The following RHCE variants were observed in gnomAD, a reference collection of about 807,000 sequenced individuals.
The protein encoded by RHCE is Rh blood group CcEe antigens.
RHCE carries 22 observed loss-of-function variants against 43.8 expected under a neutral mutation model. The observed-to-expected ratio is 0.50, with a 90% confidence interval of 0.36 to 0.72. The LOEUF (loss-of-function observed/expected upper bound fraction) is 0.72, where lower values mean the gene tolerates loss of function less well. RHCE is among the 30% of genes least tolerant of loss of function. RHCE has a pLI of 0.00. For missense variants in RHCE, 385 were observed against 525.4 expected (o/e 0.73, Z 2.61); for synonymous variants, 156 against 210.7 (o/e 0.74, Z 2.25).
chr1:25,385,590 C>T (rs1475041852), intron 7 of RHCE, 121 bp downstream of exon 7: 6 of 1,412,166 alleles, frequency 4.2e-6, no homozygotes, highest in Non-Finnish European at 6.0e-6. Context: ...AACAAATATT[C>T]ACCGAAGCCT....
intron 1 of RHCE, chr1:25,411,286 A>G (rs933131966): frequency 1.9e-6 from 3 of 1,548,304 alleles, no homozygotes; most frequent in Non-Finnish European, 2.6e-6. Flanking sequence ...AACACTCAAT[A>G]AATAGTGGCT....
chr1:25,412,154 G>A (rs886882334), intron 1 of RHCE, among the ~76,000 whole-genome samples: 3 of 152,234 alleles, frequency 2.0e-5, no homozygotes, highest in Non-Finnish European at 4.4e-5. Flanking sequence ...CCCCAAACAT[G>A]CCGGCAGCAG....
intron 6 of RHCE, 143 bp downstream of exon 6, chr1:25,388,833 A>G (rs1646265250): frequency 1.5e-6 from 2 of 1,370,114 alleles, no homozygotes; most frequent in Non-Finnish European, 2.0e-6. Flanking sequence ...GCCAGGATGG[A>G]TCCCTCGCTA....
At chr1:25,401,590 C>T (rs562569464) in intron 3 of RHCE, among the ~76,000 whole-genome samples, 12 of 152,276 alleles carry the variant, frequency 7.9e-5, no homozygotes, top group Admixed American at 2.6e-4. Context: ...TGCCTTCAAA[C>T]TTAGACTTTC....
chr1:25,374,201 G>GCCT, intron 8 of RHCE, among the ~76,000 whole-genome samples: 1 of 147,164 alleles, frequency 6.8e-6, no homozygotes, highest in Admixed American at 6.8e-5. Flanking sequence ...CAATTCTCCT[G>GCCT]CCTCAGCCTC....
chr1:25,399,900 A>G (rs1328931219), intron 3 of RHCE, among the ~76,000 whole-genome samples: 3 of 152,224 alleles, frequency 2.0e-5, no homozygotes, highest in Non-Finnish European at 4.4e-5. Flanking sequence ...GTCCACAAAT[A>G]TAAAACTATA....
intron 2 of RHCE, among the ~76,000 whole-genome samples, chr1:25,426,680 A>G (rs1270157436): frequency 2.6e-5 from 4 of 152,198 alleles, no homozygotes; most frequent in Non-Finnish European, 5.9e-5. Flanking sequence ...ACTGACTTCC[A>G]TGGTAAGGAT....
intron 7 of RHCE, among the ~76,000 whole-genome samples, chr1:25,378,753 G>A (rs1472907282): frequency 6.6e-6 from 1 of 152,168 alleles, no homozygotes; most frequent in African/African-American, 2.4e-5. Context: ...CTGGTCCCTG[G>A]ATGACACAGT....
chr1:25,400,873 C>T (rs1294968368), intron 3 of RHCE, among the ~76,000 whole-genome samples: 1 of 152,264 alleles, frequency 6.6e-6, no homozygotes, highest in Non-Finnish European at 1.5e-5. Flanking sequence ...TCTCCCACCC[C>T]ACGTGCAGTC....
intron 1 of RHCE, among the ~76,000 whole-genome samples, chr1:25,419,489 C>T (rs1210381020): frequency 6.6e-6 from 1 of 152,082 alleles, no homozygotes; most frequent in Non-Finnish European, 1.5e-5. Flanking sequence ...AGTTAACTAG[C>T]CGTTCATATC....
intron 5 of RHCE, among the ~76,000 whole-genome samples, chr1:25,390,224 C>G (rs769437989): frequency 6.6e-6 from 1 of 152,186 alleles, no homozygotes; most frequent in Non-Finnish European, 1.5e-5. Context: ...TGTTTGCCTA[C>G]CATTTACTCC....
chr1:25,379,495 A>ATTTTTTTTTT (rs770791604), intron 7 of RHCE, among the ~76,000 whole-genome samples: 1 of 27,096 alleles, frequency 3.7e-5, no homozygotes, highest in African/African-American at 1.8e-4. Context: ...ATATATATAT[A>ATTTTTTTTTT]TTTTTTTTTT....
At position 25,385,239 on chromosome 1, in the gene RHCE, C is replaced by T. The variant is rs576214802; in HGVS notation, c.1073+472G>A. ...ATGGGTTGTGCTTAGCATGTCCCTGCATTAGCTTATTAAATCCAGTAGCAT... is the reference window on the plus strand; with the variant it reads ...ATGGGTTGTGCTTAGCATGTCCCTGTATTAGCTTATTAAATCCAGTAGCAT... On this transcript the variant is annotated intron_variant, in intron 7 of 9. Coordinates refer to ENST00000294413, the MANE Select transcript of RHCE (RefSeq NM_020485.8). 7.9e-5 allele frequency among the ~76,000 whole-genome samples: 12 copies of T among 152,306 alleles called. No homozygotes were observed. In the South Asian group the frequency reaches 2.3e-3, roughly 29 times the overall value.
At chr1:25,393,761 C>T (rs1007366451) in intron 3 of RHCE, among the ~76,000 whole-genome samples, 6 of 151,960 alleles carry the variant, frequency 3.9e-5, no homozygotes, top group African/African-American at 1.5e-4. Flanking sequence ...ACCTCTCGGG[C>T]GTCACCTCCT....
At chr1:25,426,925 C>T (rs969166690) in intron 2 of RHCE, among the ~76,000 whole-genome samples, 3 of 152,068 alleles carry the variant, frequency 2.0e-5, no homozygotes, top group South Asian at 2.1e-4. Flanking sequence ...GGCGTGGTGG[C>T]GTGTGCCTAT....
intron 1 of RHCE, among the ~76,000 whole-genome samples, chr1:25,412,714 TTAAAAA>T (rs1647123428): frequency 1.0e-5 from 1 of 100,420 alleles, no homozygotes; most frequent in South Asian, 2.8e-4. Context: ...GACCCTTTTT[TTAAAAA>T]AAAAAAAAAA....
At chr1:25,385,299 TC>T (rs1411646826) in intron 7 of RHCE, among the ~76,000 whole-genome samples, 14 of 152,258 alleles carry the variant, frequency 9.2e-5, no homozygotes, top group African/African-American at 3.4e-4. Flanking sequence ...AGTATCCTTA[TC>T]TCCATTTACA....
intron 7 of RHCE, among the ~76,000 whole-genome samples, chr1:25,379,035 T>C (rs1228076459): frequency 6.6e-6 from 1 of 152,184 alleles, no homozygotes; most frequent in Non-Finnish European, 1.5e-5. Context: ...TCAGTTCACT[T>C]TCTGTTGCTA....
rs1405078705 is a variant in RHCE at position 25,407,709 on chromosome 1, T to A, written c.335+974A>T. Among the ~76,000 whole-genome samples the A allele has an allele frequency of 1.6e-5, 2 of 123,724 alleles. 1 individual carries two copies. The highest frequency in any genetic ancestry group is 3.7e-5 in the Non-Finnish European group (2 of 54,200). The allele number at this position is 123,724 out of a possible 152,430, so 81.2% of individuals were successfully genotyped here. A position where few individuals can be genotyped will look rare whatever the true frequency, so the allele number is the denominator to read the frequency against. On this transcript the variant is annotated intron_variant, in intron 2 of 9. Transcript: ENST00000294413. The stretch of plus-strand genomic sequence containing the variant: ...CCTAGTTCCTTCTATTAAGTGCCAA[T>A]GCCCTTTTAAAATGTGTATAGCTTG...
Sources: allele counts gnomAD v4.1 joint callset (sites outside exome capture counted in the v4.1 genomes callset), GRCh38; gene constraint gnomAD v4.1.1; transcripts MANE v1.5; gene names NCBI Gene and HGNC (gene_info 2026-07-23, HGNC 2026-07-21).